MAGI1: variants seen among roughly 807,000 people sequenced by gnomAD.
MAGI1 encodes membrane-associated guanylate kinase, WW and PDZ domain-containing protein 1.
A neutral mutation model predicts 139.9 loss-of-function variants in MAGI1; 58 were observed. The ratio of observed to expected loss-of-function variants is 0.41; its 90% CI spans 0.34 to 0.52. MAGI1 has a LOEUF of 0.52. Among genes scored for constraint, MAGI1 ranks in the 20% least tolerant of loss-of-function variants. The probability of loss-of-function intolerance (pLI) is 0.12; values close to 1 mark genes in which losing one functional copy is unlikely to be tolerated. For missense variants in MAGI1, 1,874 were observed against 1,901.6 expected (o/e 0.99, Z 0.27); for synonymous variants, 812 against 737.9 (o/e 1.10, Z -1.63).
chr3:65,762,302 G>C (rs2037098196), intron 1 of MAGI1, among the ~76,000 whole-genome samples: 1 of 152,088 alleles, frequency 6.6e-6, no homozygotes, highest in Non-Finnish European at 1.5e-5. Context: ...CTCAGATTTT[G>C]AAAGTCTAAA....
intron 1 of MAGI1, among the ~76,000 whole-genome samples, chr3:65,968,723 CTA>C (rs2064878608): frequency 1.3e-5 from 2 of 151,956 alleles, no homozygotes; most frequent in South Asian, 4.1e-4. Context: ...ACTTTTCACT[CTA>C]TACCCTTTTT....
At position 65,501,606 on chromosome 3, in the gene MAGI1, A is replaced by C. The variant is rs1257049547; in HGVS notation, c.431-7975T>G. On this transcript the variant is annotated intron_variant, in intron 2 of 22. Transcript: ENST00000402939. Reference sequence around the variant, plus strand: ...CTAGTACTCACATGCCTTATTGGGAAGAATACAAAATGGTACAACCATTTG... The same window carrying C: ...CTAGTACTCACATGCCTTATTGGGACGAATACAAAATGGTACAACCATTTG... Among the ~76,000 whole-genome samples, 8 of 152,324 alleles carry C rather than the reference A, an allele frequency of 5.3e-5. No homozygotes were observed. In the South Asian group the frequency reaches 1.5e-3, roughly 28 times the overall value.
intron 1 of MAGI1, among the ~76,000 whole-genome samples, chr3:65,978,967 G>A (rs763848698): frequency 1.1e-4 from 16 of 151,834 alleles, no homozygotes; most frequent in Admixed American, 2.0e-4. Flanking sequence ...TAATTTCGAG[G>A]ACTCAGAAAG....
intron 4 of MAGI1, among the ~76,000 whole-genome samples, chr3:65,475,487 T>C (rs1238990095): frequency 6.6e-6 from 1 of 152,236 alleles, no homozygotes; most frequent in Non-Finnish European, 1.5e-5. Context: ...GTGCTGGGAT[T>C]ACAGGCATGT....
chr3:65,856,031 A>T (rs894197620), intron 1 of MAGI1, among the ~76,000 whole-genome samples: 2 of 152,078 alleles, frequency 1.3e-5, no homozygotes, highest in Non-Finnish European at 2.9e-5. Context: ...TGTATTTTAG[A>T]TCTGCTTTGC....
chr3:65,429,456 G>T, intron 12 of MAGI1, 64 bp downstream of exon 12: 1 of 1,482,516 alleles, frequency 6.7e-7, no homozygotes, highest in South Asian at 1.3e-5. Context: ...ATCTGAAGAT[G>T]AGTAAGTTAA....
At chr3:66,018,123 G>C (rs535012906) in intron 1 of MAGI1, among the ~76,000 whole-genome samples, 1 of 133,962 alleles carries the variant, frequency 7.5e-6, no homozygotes, top group South Asian at 2.7e-4. Flanking sequence ...TGGGGGGGGG[G>C]GGTGTCTGCA....
At chr3:65,807,751 C>G (rs1441407300) in intron 1 of MAGI1, among the ~76,000 whole-genome samples, 1 of 152,164 alleles carries the variant, frequency 6.6e-6, no homozygotes, top group Non-Finnish European at 1.5e-5. Flanking sequence ...ACTGCAAATG[C>G]TCATCTTCCC....
At chr3:65,698,607 G>T (rs1372321374) in intron 1 of MAGI1, among the ~76,000 whole-genome samples, 1 of 152,028 alleles carries the variant, frequency 6.6e-6, no homozygotes, top group Non-Finnish European at 1.5e-5. Flanking sequence ...ACAAACCTGA[G>T]AAAAACAAGC....
intron 1 of MAGI1, among the ~76,000 whole-genome samples, chr3:65,659,417 C>G (rs1182480093): frequency 2.0e-5 from 3 of 152,194 alleles, no homozygotes; most frequent in Admixed American, 2.0e-4. Context: ...TGCATTTGAC[C>G]TAGGTTTCAC....
intron 6 of MAGI1, among the ~76,000 whole-genome samples, chr3:65,448,597 G>T (rs1178713602): frequency 6.6e-6 from 1 of 152,110 alleles, no homozygotes; most frequent in Non-Finnish European, 1.5e-5. Flanking sequence ...GAGCTGGAAA[G>T]ATGAATTACG....
At chr3:65,557,806 T>C (rs974604396) in intron 2 of MAGI1, among the ~76,000 whole-genome samples, 22 of 152,180 alleles carry the variant, frequency 1.4e-4, no homozygotes, top group Admixed American at 3.9e-4. Context: ...ACTGGAAGAC[T>C]TCCCTTCAAT....
chr3:65,840,447 T>A (rs1465124175), intron 1 of MAGI1, among the ~76,000 whole-genome samples: 1 of 152,226 alleles, frequency 6.6e-6, no homozygotes, highest in Non-Finnish European at 1.5e-5. Context: ...CTATTCATAC[T>A]TTCCTGAGAG....
chr3:65,625,037 G>A (rs533057161), intron 1 of MAGI1, among the ~76,000 whole-genome samples: 13 of 151,988 alleles, frequency 8.6e-5, no homozygotes, highest in African/African-American at 2.7e-4. Context: ...CACGCGCAGC[G>A]AGTTTTCATA....
intron 1 of MAGI1, among the ~76,000 whole-genome samples, chr3:66,018,315 G>C (rs76922995): frequency 2.6e-4 from 40 of 152,140 alleles, no homozygotes; most frequent in Middle Eastern, 3.2e-3. Context: ...TGACTGCCTG[G>C]TTAACAGCAT....
intron 3 of MAGI1, among the ~76,000 whole-genome samples, chr3:65,489,010 G>A (rs1951809989): frequency 6.6e-6 from 1 of 152,160 alleles, no homozygotes; most frequent in Non-Finnish European, 1.5e-5. Flanking sequence ...AAGACTGAGT[G>A]TGGGAAGAGT....
chr3:65,488,544 T>C (rs1440054975), intron 3 of MAGI1, among the ~76,000 whole-genome samples: 1 of 152,072 alleles, frequency 6.6e-6, no homozygotes, highest in African/African-American at 2.4e-5. Context: ...TTTTACCATG[T>C]TGGCCAGGCT....
At chr3:65,363,631 A>G (rs892454608) in intron 20 of MAGI1, 23 bp from the exon 21 acceptor site, 1 of 1,607,848 alleles carries the variant, frequency 6.2e-7, no homozygotes, top group African/African-American at 1.3e-5. Flanking sequence ...ATTAAATGCA[A>G]TCATTCTAGG....
At chr3:65,824,364 G>C (rs905149466) in intron 1 of MAGI1, among the ~76,000 whole-genome samples, 1 of 152,134 alleles carries the variant, frequency 6.6e-6, no homozygotes, top group African/African-American at 2.4e-5. Flanking sequence ...AGGTGGCCAA[G>C]AGTGATTCAC....
Sources: gnomAD v4.1 joint callset for allele counts (sites outside exome capture counted in the v4.1 genomes callset) on GRCh38, gnomAD v4.1.1 for gene constraint, MANE v1.5 for transcripts, NCBI Gene and HGNC (gene_info 2026-07-23, HGNC 2026-07-21) for gene names.